The following WWOX variants were observed in gnomAD, a reference collection of about 807,000 sequenced individuals.
The protein encoded by WWOX is WW domain-containing oxidoreductase.
A neutral mutation model predicts 46.2 loss-of-function variants in WWOX; 69 were observed. That is an observed-to-expected ratio of 1.49 (90% CI 1.23 to 1.82). The LOEUF (loss-of-function observed/expected upper bound fraction) is 1.82. Ranked by LOEUF, WWOX falls within the 40% of genes most tolerant of loss-of-function variation. The pLI is 0.00. For missense variants in WWOX, 919 were observed against 542.6 expected, an observed-to-expected ratio of 1.69 and a Z score of -6.89; for synonymous variants, 359 against 202.6, an observed-to-expected ratio of 1.77 and a Z score of -6.56.
At chr16:78,776,834 A>G (rs2050202176) in intron 8 of WWOX, among the ~76,000 whole-genome samples, 1 of 152,136 alleles carries the variant, frequency 6.6e-6, no homozygotes, top group East Asian at 1.9e-4. Context: ...TAAAACCATC[A>G]GATCGCGTAA....
intron 8 of WWOX, among the ~76,000 whole-genome samples, chr16:78,900,057 C>CTT (rs754732541): frequency 2.3e-4 from 23 of 102,160 alleles, no homozygotes; most frequent in South Asian, 1.3e-3. Context: ...GCCCTCCTGA[C>CTT]TTTTTTTTTT....
In WWOX at chr16:78,946,014, C is replaced by G. The variant is rs1348489424; in HGVS notation, c.1057-265594C>G. 2.0e-5 allele frequency among the ~76,000 whole-genome samples: 3 copies of G among 152,132 alleles called. No individual in the cohort carries two copies. The East Asian group carries it at 5.8e-4, about 29-fold the overall frequency. On this transcript the variant is annotated intron_variant, in intron 8 of 8. Transcript: ENST00000566780. ...AGGCTTGCCGGGCAACCCAAAAGAGCCGCTGATCTGCATAGCACTTCGCAA... is the reference window on the plus strand; with the variant it reads ...AGGCTTGCCGGGCAACCCAAAAGAGGCGCTGATCTGCATAGCACTTCGCAA...
intron 8 of WWOX, among the ~76,000 whole-genome samples, chr16:78,855,492 C>A (rs899583008): frequency 6.6e-6 from 1 of 152,108 alleles, no homozygotes; most frequent in African/African-American, 2.4e-5. Context: ...GAAACTTTGG[C>A]GAAACTGGCT....
At chr16:79,041,110 G>A (rs1166801870) in intron 8 of WWOX, among the ~76,000 whole-genome samples, 6 of 152,174 alleles carry the variant, frequency 3.9e-5, no homozygotes, top group South Asian at 4.1e-4. Context: ...TACGTGTGTT[G>A]TCATGTAATG....
intron 8 of WWOX, among the ~76,000 whole-genome samples, chr16:78,900,063 T>G (rs1233184385): frequency 1.0e-5 from 1 of 97,074 alleles, no homozygotes; most frequent in Non-Finnish European, 2.1e-5. Flanking sequence ...CTGACTTTTT[T>G]TTTTTTTTTT....
intron 8 of WWOX, among the ~76,000 whole-genome samples, chr16:78,793,237 T>G (rs1449942971): frequency 6.6e-6 from 1 of 152,130 alleles, no homozygotes; most frequent in African/African-American, 2.4e-5. Context: ...TTTTTATATT[T>G]TTTTGTAGAG....
At chr16:78,871,495 G>T (rs1487650488) in intron 8 of WWOX, among the ~76,000 whole-genome samples, 3 of 152,216 alleles carry the variant, frequency 2.0e-5, no homozygotes, top group Non-Finnish European at 1.5e-5. Flanking sequence ...AATGAGTCCT[G>T]TGAGACACAG....
At chr16:78,818,183 C>G (rs1051564306) in intron 8 of WWOX, among the ~76,000 whole-genome samples, 1 of 152,188 alleles carries the variant, frequency 6.6e-6, no homozygotes, top group Non-Finnish European at 1.5e-5. Flanking sequence ...AAGGTAGTCT[C>G]TGTGTTCAGG....
intron 8 of WWOX, among the ~76,000 whole-genome samples, chr16:78,954,067 A>G (rs919267596): frequency 6.6e-6 from 1 of 152,186 alleles, no homozygotes; most frequent in Non-Finnish European, 1.5e-5. Context: ...CAAGGACCAT[A>G]TCTTATTCAG....
intron 8 of WWOX, among the ~76,000 whole-genome samples, chr16:78,597,616 TAA>T: frequency 6.6e-6 from 1 of 152,272 alleles, no homozygotes; most frequent in South Asian, 2.1e-4. Context: ...TCATTAAGTT[TAA>T]AATTGTTTTT....
At chr16:78,379,975 C>G (rs1255064851) in intron 5 of WWOX, among the ~76,000 whole-genome samples, 1 of 152,164 alleles carries the variant, frequency 6.6e-6, no homozygotes, top group Non-Finnish European at 1.5e-5. Context: ...AAAACGCATT[C>G]ATCTTTAGAG....
At chr16:78,376,857 C>T (rs956610173) in intron 5 of WWOX, among the ~76,000 whole-genome samples, 8 of 152,248 alleles carry the variant, frequency 5.3e-5, no homozygotes, top group Non-Finnish European at 1.2e-4. Context: ...CTGAGACCAT[C>T]TCCCTCCATT....
chr16:79,187,575 C>T (rs990000077), intron 8 of WWOX, among the ~76,000 whole-genome samples: 2 of 152,140 alleles, frequency 1.3e-5, no homozygotes, highest in Non-Finnish European at 2.9e-5. Flanking sequence ...CCACCACGCC[C>T]AGCTGATTTT....
At chr16:78,389,526 A>T (rs1326178093) in intron 6 of WWOX, among the ~76,000 whole-genome samples, 3 of 152,196 alleles carry the variant, frequency 2.0e-5, no homozygotes, top group Non-Finnish European at 2.9e-5. Context: ...CTGAGGGCTT[A>T]TGGGCCATAC....
chr16:78,616,924 C>T (rs2046039662), intron 8 of WWOX, among the ~76,000 whole-genome samples: 1 of 152,046 alleles, frequency 6.6e-6, no homozygotes, highest in Admixed American at 6.6e-5. Context: ...ACATTCAGAC[C>T]ACAATAATGT....
rs1040168880 is a variant in WWOX, at chr16:78,887,295, A to C, written c.1057-324313A>C. 5.3e-5 allele frequency among the ~76,000 whole-genome samples: 8 copies of C among 151,430 alleles called. No homozygotes were observed. The South Asian group carries it at 1.3e-3, about 24-fold the overall frequency. ...GCAATTCCCCTGTGGATTTCTCCTG[A>C]CTCTCTATGCAGCCCAACTCTATTT... On this transcript the variant is annotated intron_variant, in intron 8 of 8. Coordinates refer to ENST00000566780, the MANE Select transcript of WWOX (RefSeq NM_016373.4).
intron 8 of WWOX, among the ~76,000 whole-genome samples, chr16:78,569,195 A>T (rs528276887): frequency 1.6e-4 from 25 of 152,346 alleles, no homozygotes; most frequent in African/African-American, 6.0e-4. Flanking sequence ...TGTAGCAAAG[A>T]TGTACTGTTT....
At chr16:78,583,388 C>G (rs1371505177) in intron 8 of WWOX, among the ~76,000 whole-genome samples, 1 of 152,176 alleles carries the variant, frequency 6.6e-6, no homozygotes, top group Non-Finnish European at 1.5e-5. Flanking sequence ...ACCTTACCTA[C>G]TCAAGTGTAA....
intron 8 of WWOX, among the ~76,000 whole-genome samples, chr16:78,921,222 A>G (rs9929790): frequency 0.048 from 7,317 of 152,238 alleles, 333 homozygotes; most frequent in African/African-American, 0.12. Context: ...GAGCTGTTTG[A>G]AAAGACATTA....
Sources: gnomAD v4.1 joint callset for allele counts (sites outside exome capture counted in the v4.1 genomes callset) on GRCh38, gnomAD v4.1.1 for gene constraint, MANE v1.5 for transcripts, NCBI Gene and HGNC (gene_info 2026-07-23, HGNC 2026-07-21) for gene names.